RGS7: variants seen among roughly 807,000 people sequenced by gnomAD.
RGS7 encodes the protein regulator of G-protein signaling 7.
In RGS7, 27 loss-of-function variants were observed where a neutral mutation model predicts 81.1. The observed-to-expected ratio is 0.33, with a 90% CI of 0.25 to 0.46. The LOEUF (loss-of-function observed/expected upper bound fraction) is 0.46, where lower values mean the gene tolerates loss of function less well. Ranked by LOEUF, RGS7 falls within the 20% of genes least tolerant of loss-of-function variation. The pLI is 1.00. For missense variants in RGS7, 396 were observed against 607.4 expected, an observed-to-expected ratio of 0.65 and a Z score of 3.66; for synonymous variants, 208 against 207.7, an observed-to-expected ratio of 1.00 and a Z score of -0.01.
chr1:240,793,103 G>A (rs927824068), intron 18 of RGS7, among the ~76,000 whole-genome samples: 4 of 152,094 alleles, frequency 2.6e-5, no homozygotes, highest in African/African-American at 9.7e-5. Context: ...GTAGCAGCAG[G>A]GGTGACATTT....
At chr1:241,069,740 A>T (rs1384605121) in intron 3 of RGS7, among the ~76,000 whole-genome samples, 1 of 152,222 alleles carries the variant, frequency 6.6e-6, no homozygotes, top group Non-Finnish European at 1.5e-5. Context: ...CATATTTCCG[A>T]AACATCAGAA....
At chr1:240,810,295 T>G (rs1689614761) in intron 14 of RGS7, among the ~76,000 whole-genome samples, 1 of 152,218 alleles carries the variant, frequency 6.6e-6, no homozygotes, top group Admixed American at 6.5e-5. Context: ...TAGGTGAGGC[T>G]GGTAAGGCTT....
chr1:241,138,211 A>T, intron 2 of RGS7, among the ~76,000 whole-genome samples: 1 of 152,058 alleles, frequency 6.6e-6, no homozygotes, highest in Non-Finnish European at 1.5e-5. Flanking sequence ...ATTAGGGAAT[A>T]ACAAACTAAA....
intron 2 of RGS7, among the ~76,000 whole-genome samples, chr1:241,192,159 G>GGT (rs58714151): frequency 0.079 from 9,652 of 121,732 alleles, 639 homozygotes; most frequent in African/African-American, 0.18. Context: ...AGAGAAAACA[G>GGT]GTGTGTGTGT....
intron 3 of RGS7, among the ~76,000 whole-genome samples, chr1:241,069,520 T>A (rs1344262671): frequency 6.6e-6 from 1 of 152,222 alleles, no homozygotes; most frequent in Non-Finnish European, 1.5e-5. Flanking sequence ...ATTATATTAA[T>A]AATAATCATA....
intron 6 of RGS7, among the ~76,000 whole-genome samples, chr1:240,926,804 A>C (rs894339195): frequency 2.6e-5 from 4 of 152,170 alleles, no homozygotes; most frequent in Admixed American, 2.6e-4. Flanking sequence ...AAATACCAGA[A>C]ATCTTATCCA....
intron 4 of RGS7, among the ~76,000 whole-genome samples, chr1:240,944,268 G>GTA: frequency 9.7e-5 from 1 of 10,300 alleles, no homozygotes; most frequent in Admixed American, 1.1e-3. Context: ...ATATGTGTGT[G>GTA]TGTGTGTGTG....
At chr1:241,247,949 G>C (rs755874204) in intron 2 of RGS7, among the ~76,000 whole-genome samples, 1 of 152,182 alleles carries the variant, frequency 6.6e-6, no homozygotes, top group African/African-American at 2.4e-5. Flanking sequence ...CAAGCTGATG[G>C]ATAGTGTTTC....
At chr1:240,929,933 T>C (rs1675117227) in intron 6 of RGS7, among the ~76,000 whole-genome samples, 1 of 152,232 alleles carries the variant, frequency 6.6e-6, no homozygotes, top group African/African-American at 2.4e-5. Flanking sequence ...CCATCTAGCC[T>C]GTGAGCTACC....
At position 241,355,658 on chromosome 1, in the gene RGS7, C is replaced by T. The variant is rs901820112; in HGVS notation, c.78+41G>A. ...AGAGGGGGAAAAAAATCGAGAAAGC[C>T]GGAAGTTTCCCGTTTTCCAAGAAAC... On this transcript the variant is annotated intron_variant, in intron 2 of 18. Coordinates refer to ENST00000440928, the MANE Select transcript of RGS7 (RefSeq NM_001364886.1). 20 of 1,573,080 alleles carry T rather than the reference C, an allele frequency of 1.3e-5. 1 individual carries two copies. The highest frequency in any genetic ancestry group is 1.7e-5 in the Non-Finnish European group (19 of 1,142,744).
intron 3 of RGS7, among the ~76,000 whole-genome samples, chr1:241,005,235 A>G (rs10802919): frequency 0.35 from 53,216 of 152,124 alleles, 9,424 homozygotes; most frequent in Admixed American, 0.4. Flanking sequence ...AAGTTTAACT[A>G]AAAGGTATAG....
chr1:240,797,419 T>C (rs892996634), intron 18 of RGS7, among the ~76,000 whole-genome samples: 1 of 152,232 alleles, frequency 6.6e-6, no homozygotes, highest in African/African-American at 2.4e-5. Flanking sequence ...TGGCATGATC[T>C]CTGCTCACTG....
intron 18 of RGS7, among the ~76,000 whole-genome samples, chr1:240,799,855 T>C (rs1687747771): frequency 6.6e-6 from 1 of 152,182 alleles, no homozygotes; most frequent in South Asian, 2.1e-4. Flanking sequence ...CAGTCCTCCC[T>C]TCCCCTTGTT....
intron 2 of RGS7, among the ~76,000 whole-genome samples, chr1:241,248,882 C>T (rs942124401): frequency 3.3e-5 from 5 of 152,300 alleles, no homozygotes; most frequent in South Asian, 2.1e-4. Flanking sequence ...TATCATTCGA[C>T]GAACTTGCTA....
At chr1:241,037,283 A>G (rs1169967988) in intron 3 of RGS7, among the ~76,000 whole-genome samples, 4 of 152,206 alleles carry the variant, frequency 2.6e-5, no homozygotes, top group Non-Finnish European at 4.4e-5. Flanking sequence ...ATGTTCCTAC[A>G]TGTATTGACC....
intron 2 of RGS7, among the ~76,000 whole-genome samples, chr1:241,175,659 G>C (rs1370885364): frequency 2.6e-5 from 4 of 152,190 alleles, no homozygotes; most frequent in Admixed American, 2.6e-4. Flanking sequence ...AGTGTGCAGA[G>C]CCATGGTGGA....
Position 240,937,080 on chromosome 1 carries a change from G to A in RGS7, c.227-374C>T, listed in dbSNP as rs371406804. On this transcript the variant is annotated intron_variant, in intron 4 of 18. Transcript: ENST00000440928. The stretch of plus-strand genomic sequence containing the variant: ...GACATGCCCAAACATGCCTTGTACC[G>A]AAACGGACAGCCTCTCCCTTCCCAC... Among the ~76,000 whole-genome samples, 1,049 of 152,120 alleles carry A rather than the reference G, an allele frequency of 6.9e-3. 8 individuals are homozygous for A. The highest frequency in any genetic ancestry group is 0.018 in the African/African-American group (744 of 41,488).
intron 4 of RGS7, among the ~76,000 whole-genome samples, chr1:240,970,188 T>C (rs1258579459): frequency 6.6e-6 from 1 of 152,030 alleles, no homozygotes. Context: ...TGCAATATAG[T>C]GATAGAGGTG....
intron 2 of RGS7, among the ~76,000 whole-genome samples, chr1:241,263,285 AAT>A (rs1181628474): frequency 6.6e-6 from 1 of 151,260 alleles, no homozygotes; most frequent in African/African-American, 2.4e-5. Flanking sequence ...TCAAAAGAAA[AAT>A]ATATATATAT....
Sources: gnomAD v4.1 joint callset for allele counts (sites outside exome capture counted in the v4.1 genomes callset) on GRCh38, gnomAD v4.1.1 for gene constraint, MANE v1.5 for transcripts, NCBI Gene and HGNC (gene_info 2026-07-23, HGNC 2026-07-21) for gene names.